The following LRP1B variants were observed in gnomAD, a reference collection of about 807,000 sequenced individuals.
LRP1B encodes the protein LDL receptor related protein 1B.
In LRP1B, 217 loss-of-function variants were observed where a neutral mutation model predicts 556.6. That is an observed-to-expected ratio of 0.39 (90% CI 0.35 to 0.44). The LOEUF (loss-of-function observed/expected upper bound fraction) is 0.44, where lower values mean the gene tolerates loss of function less well. Among genes scored for constraint, LRP1B ranks in the 20% least tolerant of loss-of-function variants. The pLI is 1.00. For synonymous variants in LRP1B, 2,047 were observed against 1,865.8 expected, an observed-to-expected ratio of 1.10 and a Z score of -2.50; for missense variants, 5,053 against 5,620.8, an observed-to-expected ratio of 0.90 and a Z score of 3.23.
chr2:141,572,468 G>A (rs893968006), intron 2 of LRP1B, among the ~76,000 whole-genome samples: 6 of 152,068 alleles, frequency 3.9e-5, no homozygotes, highest in East Asian at 3.9e-4. Context: ...ACCAGCCACC[G>A]CAAAAACACA....
intron 69 of LRP1B, among the ~76,000 whole-genome samples, chr2:140,372,474 G>A (rs1369528933): frequency 6.6e-6 from 1 of 152,016 alleles, no homozygotes; most frequent in African/African-American, 2.4e-5. Flanking sequence ...ATTAAAAAAT[G>A]AAGTGTTTTA....
At chr2:140,341,790 G>T (rs12991895) in intron 77 of LRP1B, among the ~76,000 whole-genome samples, 11,223 of 151,310 alleles carry the variant, frequency 0.074, 462 homozygotes, top group Middle Eastern at 0.13. Flanking sequence ...TAAACCAATG[G>T]TTTTTTAAAG....
intron 75 of LRP1B, among the ~76,000 whole-genome samples, chr2:140,355,294 G>C (rs1293512615): frequency 6.6e-6 from 1 of 151,834 alleles, no homozygotes; most frequent in Non-Finnish European, 1.5e-5. Flanking sequence ...GTGTTTATAT[G>C]TAATTGATAG....
chr2:141,150,372 G>T (rs1245206184), intron 7 of LRP1B, among the ~76,000 whole-genome samples: 1 of 152,174 alleles, frequency 6.6e-6, no homozygotes, highest in African/African-American at 2.4e-5. Context: ...GCAGGTTTCT[G>T]CTGTATTTCC....
intron 3 of LRP1B, among the ~76,000 whole-genome samples, chr2:141,308,001 C>T (rs748915556): frequency 6.6e-6 from 1 of 152,034 alleles, no homozygotes; most frequent in Non-Finnish European, 1.5e-5. Context: ...CTGAAGGTGG[C>T]ATGTGCAGGT....
chr2:141,597,943 C>T (rs1165831042), intron 2 of LRP1B, among the ~76,000 whole-genome samples: 2 of 151,914 alleles, frequency 1.3e-5, no homozygotes, highest in African/African-American at 4.8e-5. Context: ...AAGCCAACAA[C>T]CTCATCTGGG....
rs147077543 is a variant in LRP1B, at chr2:140,272,395, T to C, written c.13142+2029A>G. Among the ~76,000 whole-genome samples the C allele has an allele frequency of 6.5e-3, 993 of 152,042 alleles. 9 individuals are homozygous for C. Among genetic ancestry groups the C allele is most frequent in the African/African-American group, 0.023 (943 of 41,524 alleles). ...CATCAAAAAGACATAATTTAGGTTA[T>C]TCAAGATTATGATCAAGTCTTTCTT... On this transcript the variant is annotated intron_variant, in intron 85 of 90. Coordinates refer to ENST00000389484, the MANE Select transcript of LRP1B (RefSeq NM_018557.3).
At chr2:142,070,880 A>T (rs1487278654) in intron 1 of LRP1B, among the ~76,000 whole-genome samples, 2 of 151,946 alleles carry the variant, frequency 1.3e-5, no homozygotes, top group Non-Finnish European at 2.9e-5. Flanking sequence ...TTCATATATG[A>T]TATCTGCTCT....
chr2:141,949,749 A>T (rs1285673020), intron 1 of LRP1B, among the ~76,000 whole-genome samples: 1 of 152,182 alleles, frequency 6.6e-6, no homozygotes, highest in Non-Finnish European at 1.5e-5. Flanking sequence ...TAATTCTGTC[A>T]GGTTTTAGGT....
chr2:141,359,742 T>A (rs1272240172), intron 3 of LRP1B, among the ~76,000 whole-genome samples: 4 of 151,544 alleles, frequency 2.6e-5, no homozygotes, highest in Admixed American at 6.6e-5. Context: ...GGCTATAGAG[T>A]GAGAATTCGG....
At chr2:140,237,418 C>T (rs566605597) in intron 89 of LRP1B, among the ~76,000 whole-genome samples, 9 of 150,822 alleles carry the variant, frequency 6.0e-5, no homozygotes, top group Non-Finnish European at 1.2e-4. Context: ...TATATCTTGG[C>T]TATTGTGAAT....
chr2:141,800,431 C>T (rs1298791648), intron 2 of LRP1B, among the ~76,000 whole-genome samples: 1 of 152,226 alleles, frequency 6.6e-6, no homozygotes, highest in Non-Finnish European at 1.5e-5. Flanking sequence ...GGCCACAAAT[C>T]TCCTATTGCA....
intron 1 of LRP1B, among the ~76,000 whole-genome samples, chr2:142,014,569 AAAAG>A (rs1479720889): frequency 1.3e-5 from 2 of 152,222 alleles, no homozygotes; most frequent in African/African-American, 4.8e-5. Flanking sequence ...ATTTTATGTG[AAAAG>A]AAAGAAGAGG....
At chr2:141,013,414 A>T (rs766316238) in intron 14 of LRP1B, 142 bp downstream of exon 14, 65 of 659,488 alleles carry the variant, frequency 9.9e-5, no homozygotes, top group Non-Finnish European at 1.5e-4. Context: ...TGATAACAAA[A>T]TCTGATTTGA....
chr2:140,280,710 C>A (rs1179678128), intron 84 of LRP1B, among the ~76,000 whole-genome samples: 1 of 151,620 alleles, frequency 6.6e-6, no homozygotes, highest in East Asian at 1.9e-4. Context: ...TTATTACTAC[C>A]CAAAGTAATG....
At chr2:141,195,906 G>C (rs1681731390) in intron 6 of LRP1B, among the ~76,000 whole-genome samples, 2 of 152,016 alleles carry the variant, frequency 1.3e-5, no homozygotes, top group African/African-American at 4.8e-5. Flanking sequence ...GAGAAGGATG[G>C]TATGTGAACT....
At chr2:141,393,453 C>T (rs186081875) in intron 3 of LRP1B, among the ~76,000 whole-genome samples, 185 of 152,266 alleles carry the variant, frequency 1.2e-3, no homozygotes, top group African/African-American at 4.2e-3. Flanking sequence ...CATTTCTGCC[C>T]AGTGAAAATT....
chr2:141,568,713 T>A (rs1306021676), intron 2 of LRP1B, among the ~76,000 whole-genome samples: 1 of 151,288 alleles, frequency 6.6e-6, no homozygotes, highest in Admixed American at 6.6e-5. Flanking sequence ...ATATGTTAAT[T>A]TGTTCATTTA....
chr2:141,215,808 T>C (rs886329510), intron 6 of LRP1B, among the ~76,000 whole-genome samples: 1 of 152,174 alleles, frequency 6.6e-6, no homozygotes, highest in Admixed American at 6.5e-5. Context: ...TGACAACCAA[T>C]ACTCAGAAGT....
Sources: allele counts gnomAD v4.1 joint callset (sites outside exome capture counted in the v4.1 genomes callset), GRCh38; gene constraint gnomAD v4.1.1; transcripts MANE v1.5; gene names NCBI Gene and HGNC (gene_info 2026-07-23, HGNC 2026-07-21).